Variants in RREB1 observed in about 807,000 individuals in gnomAD.
RREB1 encodes the protein ras responsive element binding protein 1.
Under a neutral mutation model 117.8 loss-of-function variants are expected in RREB1, and 27 were observed. The ratio of observed to expected loss-of-function variants is 0.23; its 90% CI spans 0.17 to 0.32. RREB1 has a LOEUF of 0.32. Among genes scored for constraint, RREB1 ranks in the 10% least tolerant of loss-of-function variants. RREB1 has a pLI of 1.00. For missense variants in RREB1, 2,577 were observed against 2,378.2 expected, an observed-to-expected ratio of 1.08 and a Z score of -1.74; for synonymous variants, 1,298 against 1,026.7, an observed-to-expected ratio of 1.26 and a Z score of -5.05.
Position 7,251,068 on chromosome 6 carries a change from C to T in RREB1, c.*2100C>T, listed in dbSNP as rs1172352047. 2 of 152,016 alleles carry T rather than the reference C, an allele frequency of 1.3e-5. No individual in the cohort carries two copies. The highest frequency in any genetic ancestry group is 2.9e-5 in the Non-Finnish European group (2 of 68,014). 9.4% of individuals were successfully genotyped at this position (152,016 alleles called of 1,614,324 possible). On this transcript the variant is annotated 3_prime_UTR_variant, in exon 13 of 13. Transcript: ENST00000379938. ...TTTCTTTGCGACTCTCCACACTAAA[C>T]TTGCAATATTGTGGGGAGAAGCTGT...
chr6:7,125,300 T>G (rs898557375), intron 1 of RREB1, among the ~76,000 whole-genome samples: 1 of 152,236 alleles, frequency 6.6e-6, no homozygotes, highest in Non-Finnish European at 1.5e-5. Context: ...GGACAAATTC[T>G]GCCAAGTATG....
intron 11 of RREB1, among the ~76,000 whole-genome samples, chr6:7,241,243 G>A (rs1156644431): frequency 6.6e-6 from 1 of 152,114 alleles, no homozygotes; most frequent in South Asian, 2.1e-4. Flanking sequence ...ACGGCTGCCC[G>A]ATACGTCTTG....
intron 8 of RREB1, among the ~76,000 whole-genome samples, chr6:7,222,410 G>A (rs372521966): frequency 1.3e-5 from 2 of 152,178 alleles, no homozygotes; most frequent in East Asian, 1.9e-4. Context: ...CCAAGGTCAC[G>A]CAATCTGAAC....
intron 1 of RREB1, among the ~76,000 whole-genome samples, chr6:7,171,112 A>C (rs182834581): frequency 6.6e-6 from 1 of 152,318 alleles, no homozygotes; most frequent in Non-Finnish European, 1.5e-5. Context: ...AGATAGGACT[A>C]GACTGTTCAG....
intron 8 of RREB1, chr6:7,212,914 A>C (rs1374131167): frequency 6.6e-6 from 1 of 152,234 alleles, no homozygotes; most frequent in African/African-American, 2.4e-5. Flanking sequence ...GGAAAAAGGA[A>C]CTTACGAAGA....
chr6:7,182,672 T>C (rs546045639), intron 4 of RREB1, among the ~76,000 whole-genome samples: 3 of 152,312 alleles, frequency 2.0e-5, no homozygotes, highest in East Asian at 3.9e-4. Flanking sequence ...GAATCTTCAA[T>C]GTAAGATGGG....
At chr6:7,133,840 A>G (rs893269526) in intron 1 of RREB1, among the ~76,000 whole-genome samples, 1 of 152,148 alleles carries the variant, frequency 6.6e-6, no homozygotes, top group Non-Finnish European at 1.5e-5. Flanking sequence ...ATACTTTACT[A>G]TTTCCTTTTA....
In RREB1 at chr6:7,229,691, A is replaced by T. The variant is rs1767800303; in HGVS notation, c.1592A>T (p.Gln531Leu). 6.2e-7 allele frequency: 1 copy of T among 1,610,436 alleles called. No individual in the cohort carries two copies. The highest frequency in any genetic ancestry group is 1.1e-5 in the South Asian group (1 of 90,790). ...ACGCCCCCGCCTCTCATCAACGCCCAGCAGGCTTCCCCGGGCTGTATCAGC... is the reference window on the plus strand; with the variant it reads ...ACGCCCCCGCCTCTCATCAACGCCCTGCAGGCTTCCCCGGGCTGTATCAGC... ...TSTPPPLINA[Q>L]QASPGCISPS... is the part of the protein sequence containing the mutation. The change falls in exon 10 of 13, where the codon CAG becomes CTG. Residue 531 changes from glutamine to leucine, a missense_variant. By Grantham distance (113) the Gln-to-Leu change is moderately radical. Coordinates refer to ENST00000379938, the MANE Select transcript of RREB1 (RefSeq NM_001003699.4). The surrounding 1 kb of genome is among the most constrained non-coding windows in gnomAD (Gnocchi z 4.5).
intron 1 of RREB1, among the ~76,000 whole-genome samples, chr6:7,127,802 C>T (rs1387480413): frequency 2.6e-5 from 4 of 152,104 alleles, no homozygotes; most frequent in South Asian, 2.1e-4. Context: ...ATTGCCAGCT[C>T]GCTGCTCACC....
At chr6:7,214,481 G>A (rs79514390) in intron 8 of RREB1, 1 of 152,448 alleles carries the variant, frequency 6.6e-6, no homozygotes, top group Admixed American at 6.5e-5. Context: ...GTTGCTAGAT[G>A]GGGTGGGGCT....
intron 7 of RREB1, among the ~76,000 whole-genome samples, chr6:7,211,330 GGATGGACA>G (rs1283956269): frequency 1.5e-5 from 2 of 131,678 alleles, no homozygotes; most frequent in Non-Finnish European, 3.3e-5. Context: ...GTGGATGGAT[GGATGGACA>G]GATGGATGGA....
intron 1 of RREB1, among the ~76,000 whole-genome samples, chr6:7,172,842 A>G (rs974205450): frequency 3.3e-5 from 5 of 152,192 alleles, no homozygotes; most frequent in African/African-American, 1.2e-4. Context: ...TAGAAGAGAT[A>G]GTTTTGCCCC....
At chr6:7,141,734 CGAG>C (rs1424135673) in intron 1 of RREB1, among the ~76,000 whole-genome samples, 1 of 152,092 alleles carries the variant, frequency 6.6e-6, no homozygotes, top group Non-Finnish European at 1.5e-5. Flanking sequence ...CCTTTTTTGA[CGAG>C]GAGGAGGGGT....
chr6:7,110,490 G>GTGTGTGTGTGTGTGTGTGTGTA (rs1314804711), intron 1 of RREB1, among the ~76,000 whole-genome samples: 1 of 152,018 alleles, frequency 6.6e-6, no homozygotes, highest in Non-Finnish European at 1.5e-5. Flanking sequence ...GTGTGTGTGT[G>GTGTGTGTGTGTGTGTGTGTGTA]TGTGTGTATG....
intron 1 of RREB1, among the ~76,000 whole-genome samples, chr6:7,116,714 A>ACCCATC (rs1761415740): frequency 6.6e-6 from 1 of 152,214 alleles, no homozygotes; most frequent in African/African-American, 2.4e-5. Flanking sequence ...GGTGGGAAAG[A>ACCCATC]ATTAAGTTCT....
intron 6 of RREB1, among the ~76,000 whole-genome samples, chr6:7,204,049 C>T (rs1173194085): frequency 2.0e-5 from 3 of 152,220 alleles, no homozygotes. Flanking sequence ...GGCATTCCCA[C>T]AGCGAGCCTA....
intron 6 of RREB1, among the ~76,000 whole-genome samples, chr6:7,198,161 G>A (rs979894963): frequency 6.6e-6 from 1 of 152,140 alleles, no homozygotes; most frequent in Non-Finnish European, 1.5e-5. Context: ...TCGTTCTGGC[G>A]CTTGCTGCTT....
At chr6:7,177,175 T>C (rs1411594294) in intron 2 of RREB1, among the ~76,000 whole-genome samples, 2 of 134,268 alleles carry the variant, frequency 1.5e-5, no homozygotes, top group Non-Finnish European at 1.5e-5. Flanking sequence ...GCTGAGATAG[T>C]GCCACTGCAC....
In RREB1 at chr6:7,229,513, C is replaced by A; in HGVS notation, c.1414C>A (p.Gln472Lys). 3 of 1,614,188 alleles carry A rather than the reference C, an allele frequency of 1.9e-6. No homozygotes were observed. Among genetic ancestry groups the A allele is most frequent in the Non-Finnish European group, 2.5e-6 (3 of 1,180,030 alleles). Reference sequence around the variant, plus strand: ...GGCCATCGAGCTGGCAGACATCCAGCAAATTCTGAAGATGGCAGCCTCGGC... The same window carrying A: ...GGCCATCGAGCTGGCAGACATCCAGAAAATTCTGAAGATGGCAGCCTCGGC... ...ESAIELADIQ[Q>K]ILKMAASAPP... The change falls in exon 10 of 13, where the codon CAA (glutamine) becomes AAA (lysine). Residue 472 changes from glutamine (Q) to lysine (K), a missense_variant. Coordinates refer to ENST00000379938, the MANE Select transcript of RREB1 (RefSeq NM_001003699.4). This position sits in a 1 kb window ranked among gnomAD's most constrained non-coding sequence, Gnocchi z 4.5.
Sources: allele counts gnomAD v4.1 joint callset (sites outside exome capture counted in the v4.1 genomes callset), GRCh38; gene constraint gnomAD v4.1.1; non-coding constraint Gnocchi (gnomAD v3.1); transcripts MANE v1.5; gene names NCBI Gene and HGNC (gene_info 2026-07-23, HGNC 2026-07-21).